Variants in DNAH7 observed in about 807,000 individuals in gnomAD.
DNAH7 encodes the protein dynein axonemal heavy chain 7, also known as axonemal beta dynein heavy chain 7.
In DNAH7, 397 loss-of-function variants were observed where a neutral mutation model predicts 444.6. That is an observed-to-expected ratio of 0.89 (90% CI 0.82 to 0.97). The LOEUF (loss-of-function observed/expected upper bound fraction) is 0.97, where lower values mean the gene tolerates loss of function less well. DNAH7 is among the 50% of genes least tolerant of loss of function. The pLI is 0.00. For missense variants in DNAH7, 4,902 were observed against 4,800.8 expected (o/e 1.02, Z -0.62); for synonymous variants, 1,636 against 1,624.4 (o/e 1.01, Z -0.17).
At chr2:195,928,651 A>T (rs1026651282) in intron 21 of DNAH7, among the ~76,000 whole-genome samples, 11 of 152,166 alleles carry the variant, frequency 7.2e-5, no homozygotes, top group African/African-American at 2.7e-4. Context: ...TCATTATAAT[A>T]TAATTCATAA....
chr2:195,798,191 G>A (rs1696255495), intron 55 of DNAH7, among the ~76,000 whole-genome samples: 1 of 151,832 alleles, frequency 6.6e-6, no homozygotes, highest in South Asian at 2.1e-4. Flanking sequence ...TCAGCTACAT[G>A]GCCTTTGAGG....
rs534766342 is a variant in DNAH7 at position 195,895,736 on chromosome 2, C to T, written c.4648-512G>A. On this transcript the variant is annotated intron_variant, in intron 29 of 64. Transcript: ENST00000312428. The stretch of plus-strand genomic sequence containing the variant: ...GCCTCCTACCTCCATCCCCAGATTG[C>T]CACTGATCTGTTTTTGGTTACTATT... Among the ~76,000 whole-genome samples the T allele has an allele frequency of 8.5e-5, 13 of 152,238 alleles. No individual in the cohort carries two copies. The South Asian group carries it at 2.5e-3, about 29-fold the overall frequency.
intron 9 of DNAH7, 54 bp downstream of exon 9, chr2:196,019,116 T>C (rs1162213600): frequency 7.3e-7 from 1 of 1,368,048 alleles, no homozygotes; most frequent in Non-Finnish European, 9.6e-7. Context: ...TAAGATATAG[T>C]AAAACAACTT....
intron 33 of DNAH7, among the ~76,000 whole-genome samples, chr2:195,887,685 C>T (rs1263596189): frequency 6.6e-6 from 1 of 152,184 alleles, no homozygotes; most frequent in Non-Finnish European, 1.5e-5. Context: ...CTTTGGTCAG[C>T]ATCTCCCAAA....
intron 24 of DNAH7, among the ~76,000 whole-genome samples, chr2:195,912,277 C>T (rs1359510064): frequency 1.3e-5 from 2 of 152,152 alleles, no homozygotes; most frequent in Non-Finnish European, 2.9e-5. Flanking sequence ...ACACCATCTG[C>T]CCCTTGGATT....
intron 2 of DNAH7, among the ~76,000 whole-genome samples, chr2:196,052,413 A>C (rs1697533294): frequency 2.0e-5 from 3 of 152,360 alleles, no homozygotes; most frequent in African/African-American, 7.2e-5. Flanking sequence ...GATGTGTTTA[A>C]GTTTAAAATA....
chr2:195,737,870 T>C lies in DNAH7; in HGVS notation c.*51A>G, dbSNP rs1376664799. The C allele has an allele frequency of 6.4e-7, 1 of 1,565,058 alleles. No homozygotes were observed. The highest frequency in any genetic ancestry group is 8.8e-7 in the Non-Finnish European group (1 of 1,140,246). ...GGTTTAAGTAGTAAAATATGCTTTC[T>C]CTACTCAGCCAGCCAACAAGAAATA... On this transcript the variant is annotated 3_prime_UTR_variant, in exon 65 of 65. Coordinates refer to ENST00000312428, the MANE Select transcript of DNAH7 (RefSeq NM_018897.3).
chr2:195,984,185 C>G (rs1332353376), intron 15 of DNAH7, among the ~76,000 whole-genome samples: 1 of 152,120 alleles, frequency 6.6e-6, no homozygotes, highest in Non-Finnish European at 1.5e-5. Flanking sequence ...GCCAAGTCAA[C>G]CTGCTGAAGG....
intron 1 of DNAH7, among the ~76,000 whole-genome samples, chr2:196,060,986 G>T (rs1220282609): frequency 6.6e-6 from 1 of 151,998 alleles, no homozygotes; most frequent in African/African-American, 2.4e-5. Context: ...AATAAAAATT[G>T]TATACATTTA....
In DNAH7 at chr2:196,042,662, A is replaced by G. The variant is rs552866270; in HGVS notation, c.398+4690T>C. On this transcript the variant is annotated intron_variant, in intron 5 of 64. Transcript: ENST00000312428. ...AGTCATAATAAGATAAAACACATCT[A>G]CTAGAATGGCTACAGTGTCAAAACA... 3.3e-5 allele frequency among the ~76,000 whole-genome samples: 5 copies of G among 152,256 alleles called. No individual in the cohort carries two copies. In the East Asian group the frequency reaches 9.6e-4, roughly 29 times the overall value.
rs374764953 is a variant in DNAH7 at position 195,808,749 on chromosome 2, G to C, written c.10016C>G (p.Ala3339Gly). 1.3e-4 allele frequency: 210 copies of C among 1,613,892 alleles called. No individual in the cohort carries two copies. The highest frequency in any genetic ancestry group is 1.7e-4 in the Non-Finnish European group (204 of 1,179,956). ...AAACTCTCTACGAATGGTTTTGAAGGCAGGCAAATCATCTAATCGACATAT... is the reference window on the plus strand; with the variant it reads ...AAACTCTCTACGAATGGTTTTGAAGCCAGGCAAATCATCTAATCGACATAT... Reference protein sequence around the residue: ...DEICRLDDLPAFKTIRREFMR... With the variant: ...DEICRLDDLPGFKTIRREFMR... Residue 3339 changes from alanine to glycine, a missense_variant, in exon 53 of 65, where the codon GCC (alanine) becomes GGC (glycine). Coordinates refer to ENST00000312428, the MANE Select transcript of DNAH7 (RefSeq NM_018897.3).
chr2:195,837,685 C>G (rs568044738), intron 47 of DNAH7, among the ~76,000 whole-genome samples: 25 of 152,058 alleles, frequency 1.6e-4, no homozygotes, highest in African/African-American at 5.8e-4. Flanking sequence ...TCTCCTTTAT[C>G]TCTACCCCAA....
At chr2:195,910,344 T>G in intron 24 of DNAH7, 149 bp from the exon 25 acceptor site, 1 of 609,908 alleles carries the variant, frequency 1.6e-6, no homozygotes. Context: ...TGAAAATCTC[T>G]GATAGTTCAT....
chr2:196,059,622 T>C (rs563552369), intron 1 of DNAH7, among the ~76,000 whole-genome samples: 10 of 152,292 alleles, frequency 6.6e-5, no homozygotes, highest in Non-Finnish European at 1.3e-4. Context: ...CAATCTGTGG[T>C]GTGAGGCTAA....
At chr2:196,064,830 C>T (rs911965713) in intron 1 of DNAH7, among the ~76,000 whole-genome samples, 3 of 152,080 alleles carry the variant, frequency 2.0e-5, no homozygotes, top group African/African-American at 4.8e-5. Context: ...CATTCTCTAG[C>T]GAATGAACAT....
chr2:196,042,239 C>T (rs1696812409), intron 5 of DNAH7, among the ~76,000 whole-genome samples: 2 of 151,838 alleles, frequency 1.3e-5, no homozygotes, highest in Non-Finnish European at 2.9e-5. Context: ...AATCCTATTG[C>T]TGTGTATATA....
At chr2:195,748,712 C>T (rs1429975897) in intron 63 of DNAH7, among the ~76,000 whole-genome samples, 1 of 152,102 alleles carries the variant, frequency 6.6e-6, no homozygotes, top group Non-Finnish European at 1.5e-5. Context: ...CTTTGACAAA[C>T]CTGAGAAAAA....
chr2:195,916,877 A>G (rs1574760593), intron 24 of DNAH7, among the ~76,000 whole-genome samples: 1 of 151,778 alleles, frequency 6.6e-6, no homozygotes, highest in Non-Finnish European at 1.5e-5. Context: ...AGGCGGGCGG[A>G]TCACGAGGTC....
At chr2:195,745,049 AC>A (rs1224001232) in intron 63 of DNAH7, among the ~76,000 whole-genome samples, 1 of 152,200 alleles carries the variant, frequency 6.6e-6, no homozygotes, top group Non-Finnish European at 1.5e-5. Flanking sequence ...AGACGATCAA[AC>A]TACACTGAGC....
Sources: gnomAD v4.1 joint callset for allele counts (sites outside exome capture counted in the v4.1 genomes callset) on GRCh38, gnomAD v4.1.1 for gene constraint, MANE v1.5 for transcripts, NCBI Gene and HGNC (gene_info 2026-07-23, HGNC 2026-07-21) for gene names.